The following TRPM3 variants were observed in gnomAD, a reference collection of about 807,000 sequenced individuals.
The protein encoded by TRPM3 is long transient receptor potential channel 3.
A neutral mutation model predicts 181.2 loss-of-function variants in TRPM3; 77 were observed. The observed-to-expected ratio is 0.42, with a 90% CI of 0.35 to 0.51. TRPM3 has a LOEUF of 0.51. TRPM3 is among the 20% of genes least tolerant of loss of function. The pLI, the probability that TRPM3 is intolerant of heterozygous loss-of-function variation, is 0.01. For missense variants in TRPM3, 1,759 were observed against 2,196.7 expected, an observed-to-expected ratio of 0.80 and a Z score of 3.98; for synonymous variants, 745 against 796.4, an observed-to-expected ratio of 0.94 and a Z score of 1.09.
At chr9:71,440,151 T>C (rs1054281802) in intron 1 of TRPM3, among the ~76,000 whole-genome samples, 7 of 152,054 alleles carry the variant, frequency 4.6e-5, no homozygotes, top group Admixed American at 3.3e-4. Context: ...TAAATACTTT[T>C]CTTTATTAAC....
chr9:70,553,318 G>T lies in TRPM3; in HGVS notation c.3224-8C>A, dbSNP rs200861574. 7.6e-5 allele frequency: 123 copies of T among 1,613,418 alleles called. No homozygotes were observed. The African/African-American group carries it at 1.3e-3, about 17-fold the overall frequency. ...CATTCTGTCCACAGGGAGCTGGAGG[G>T]AGCAACACACACAAGAAATGAGAAA... On this transcript the variant is annotated splice_polypyrimidine_tract_variant and splice_region_variant and intron_variant, in intron 22 of 25. Coordinates refer to ENST00000677713, the MANE Select transcript of TRPM3 (RefSeq NM_001366145.2).
At chr9:71,219,970 C>A (rs951878039) in intron 1 of TRPM3, among the ~76,000 whole-genome samples, 7 of 152,126 alleles carry the variant, frequency 4.6e-5, no homozygotes, top group Admixed American at 4.6e-4. Context: ...CCCTTCCATG[C>A]CCCCCAATCC....
At chr9:71,245,463 A>G (rs1422781383) in intron 1 of TRPM3, among the ~76,000 whole-genome samples, 3 of 150,092 alleles carry the variant, frequency 2.0e-5, no homozygotes, top group African/African-American at 7.4e-5. Flanking sequence ...AAAAAAATAC[A>G]GTGAAGAGAC....
intron 1 of TRPM3, among the ~76,000 whole-genome samples, chr9:70,962,101 G>A (rs2097141807): frequency 6.6e-6 from 1 of 152,150 alleles, no homozygotes; most frequent in East Asian, 1.9e-4. Flanking sequence ...ATCATGACAT[G>A]CCTTAGTGCA....
At chr9:71,294,478 A>C (rs2086088342) in intron 1 of TRPM3, among the ~76,000 whole-genome samples, 1 of 152,074 alleles carries the variant, frequency 6.6e-6, no homozygotes. Flanking sequence ...CTTCTTGACA[A>C]TATTGAGGAG....
chr9:71,393,422 T>C (rs1381094416), intron 1 of TRPM3, among the ~76,000 whole-genome samples: 1 of 152,090 alleles, frequency 6.6e-6, no homozygotes, highest in Non-Finnish European at 1.5e-5. Flanking sequence ...GGGCAAGAAA[T>C]GAAAAGGGAA....
intron 1 of TRPM3, among the ~76,000 whole-genome samples, chr9:71,087,807 A>G (rs2065531831): frequency 6.6e-6 from 1 of 152,108 alleles, no homozygotes; most frequent in Non-Finnish European, 1.5e-5. Context: ...CTAACTAATA[A>G]CGGACTTCAG....
chr9:70,878,734 G>C (rs1053139376), intron 1 of TRPM3, among the ~76,000 whole-genome samples: 8 of 152,036 alleles, frequency 5.3e-5, no homozygotes, highest in Admixed American at 2.0e-4. Context: ...GCCAACACCA[G>C]TTTATGAACC....
At chr9:71,437,562 C>T (rs896372074) in intron 1 of TRPM3, among the ~76,000 whole-genome samples, 2 of 152,098 alleles carry the variant, frequency 1.3e-5, no homozygotes, top group Non-Finnish European at 2.9e-5. Context: ...TATAAGAGAC[C>T]TTATAGCCTG....
At chr9:70,680,413 A>G (rs1305569169) in intron 9 of TRPM3, among the ~76,000 whole-genome samples, 1 of 152,228 alleles carries the variant, frequency 6.6e-6, no homozygotes, top group Non-Finnish European at 1.5e-5. Flanking sequence ...AATGAATGAA[A>G]TAGTTGGTAT....
At chr9:71,261,956 G>A (rs2089143) in intron 1 of TRPM3, among the ~76,000 whole-genome samples, 81,484 of 152,050 alleles carry the variant, frequency 0.54, 21,904 homozygotes, top group Middle Eastern at 0.59. Context: ...GTTGGGAGGC[G>A]TTTCCCTGTC....
chr9:70,910,822 T>C (rs991437520), intron 1 of TRPM3, among the ~76,000 whole-genome samples: 3 of 152,194 alleles, frequency 2.0e-5, no homozygotes, highest in Admixed American at 2.0e-4. Flanking sequence ...ATTACTATTA[T>C]TGTCTGAGCT....
chr9:71,121,085 C>T, intron 1 of TRPM3, 93 bp downstream of exon 1: 2 of 1,294,262 alleles, frequency 1.5e-6, no homozygotes, highest in Non-Finnish European at 2.2e-6. Context: ...CATTTAGGCT[C>T]CCCCAAAGGT....
rs185999435 is a variant in TRPM3 at position 70,899,265 on chromosome 9, G to T, written c.178-34754C>A. On this transcript the variant is annotated intron_variant, in intron 1 of 25. Coordinates refer to ENST00000677713, the MANE Select transcript of TRPM3 (RefSeq NM_001366145.2). ...CCACAGCTTTGTTGTAGCCTTAAAAGATGACTTGTTATTCCTGGAAGTGAT... is the reference window on the plus strand; with the variant it reads ...CCACAGCTTTGTTGTAGCCTTAAAATATGACTTGTTATTCCTGGAAGTGAT... 3.3e-5 allele frequency among the ~76,000 whole-genome samples: 5 copies of T among 152,308 alleles called. No homozygotes were observed. In the East Asian group the frequency reaches 9.6e-4, roughly 29 times the overall value.
intron 9 of TRPM3, among the ~76,000 whole-genome samples, chr9:70,668,541 C>T (rs565407560): frequency 4.0e-5 from 6 of 151,392 alleles, no homozygotes; most frequent in East Asian, 3.9e-4. Context: ...GGCGGGCGCC[C>T]GTAGTCCCAG....
intron 20 of TRPM3, among the ~76,000 whole-genome samples, chr9:70,603,082 A>G (rs1270103527): frequency 6.6e-6 from 1 of 152,194 alleles, no homozygotes; most frequent in Non-Finnish European, 1.5e-5. Context: ...ATCAAAAACA[A>G]CTAGAGGCCT....
intron 1 of TRPM3, among the ~76,000 whole-genome samples, chr9:71,099,265 T>C (rs1054262279): frequency 6.6e-6 from 1 of 152,248 alleles, no homozygotes; most frequent in East Asian, 1.9e-4. Flanking sequence ...GAGCCTCTTT[T>C]GTAAGGGCAC....
At chr9:70,942,892 T>C (rs570430150) in intron 1 of TRPM3, among the ~76,000 whole-genome samples, 1 of 152,168 alleles carries the variant, frequency 6.6e-6, no homozygotes, top group Non-Finnish European at 1.5e-5. Context: ...CAGGTGATTC[T>C]GATACCCACC....
intron 1 of TRPM3, among the ~76,000 whole-genome samples, chr9:70,930,430 C>T (rs1046410344): frequency 1.1e-4 from 17 of 152,258 alleles, no homozygotes; most frequent in Middle Eastern, 3.4e-3. Flanking sequence ...TTCCTTTCAT[C>T]ACCTTTCATT....
Sources: gnomAD v4.1 joint callset for allele counts (sites outside exome capture counted in the v4.1 genomes callset) on GRCh38, gnomAD v4.1.1 for gene constraint, MANE v1.5 for transcripts, NCBI Gene and HGNC (gene_info 2026-07-23, HGNC 2026-07-21) for gene names.